The following UHRF2 variants were observed in gnomAD, a reference collection of about 807,000 sequenced individuals.
The protein encoded by UHRF2 is ubiquitin like with PHD and ring finger domains 2.
A neutral mutation model predicts 96.8 loss-of-function variants in UHRF2; 23 were observed. The observed-to-expected ratio is 0.24, with a 90% CI of 0.17 to 0.34. The LOEUF (loss-of-function observed/expected upper bound fraction) is 0.34. Ranked by LOEUF, UHRF2 falls within the 10% of genes least tolerant of loss-of-function variation. UHRF2 has a pLI of 1.00. For missense variants in UHRF2, 685 were observed against 981.5 expected, an observed-to-expected ratio of 0.70 and a Z score of 4.04; for synonymous variants, 385 against 332.6, an observed-to-expected ratio of 1.16 and a Z score of -1.72.
At chr9:6,429,706 A>T (rs766739090) in intron 2 of UHRF2, among the ~76,000 whole-genome samples, 2 of 152,338 alleles carry the variant, frequency 1.3e-5, no homozygotes, top group Non-Finnish European at 2.9e-5. Flanking sequence ...ATTTGTGTGT[A>T]CTATATGCTT....
chr9:6,495,537 G>T (rs1229629415), intron 10 of UHRF2: 1 of 152,224 alleles, frequency 6.6e-6, no homozygotes, highest in Non-Finnish European at 1.5e-5. Context: ...TTGCTAAGAG[G>T]TAGTTCGACA....
At chr9:6,476,312 T>G (rs1823569900) in intron 5 of UHRF2, among the ~76,000 whole-genome samples, 2 of 152,226 alleles carry the variant, frequency 1.3e-5, no homozygotes, top group South Asian at 4.1e-4. Flanking sequence ...TGTTATAGAT[T>G]CTGTCCAAAG....
intron 3 of UHRF2, among the ~76,000 whole-genome samples, chr9:6,435,670 G>C (rs748816687): frequency 1.3e-5 from 2 of 152,044 alleles, no homozygotes; most frequent in Non-Finnish European, 2.9e-5. Flanking sequence ...TCAGTGGTGC[G>C]ATCTTGGCTC....
At chr9:6,469,638 C>A in intron 4 of UHRF2, among the ~76,000 whole-genome samples, 1 of 140,086 alleles carries the variant, frequency 7.1e-6, no homozygotes, top group Non-Finnish European at 1.5e-5. Context: ...GAGTGTTAGA[C>A]ACATAGGACT....
chr9:6,469,529 A>T (rs911262977), intron 4 of UHRF2, among the ~76,000 whole-genome samples: 42 of 151,926 alleles, frequency 2.8e-4, no homozygotes, highest in African/African-American at 9.9e-4. Context: ...AAAAAAAATT[A>T]AAAAACATAA....
At chr9:6,443,101 A>G (rs756630362) in intron 3 of UHRF2, among the ~76,000 whole-genome samples, 2 of 152,230 alleles carry the variant, frequency 1.3e-5, no homozygotes, top group South Asian at 4.1e-4. Context: ...CTATGTAAAG[A>G]AGGAAAATTC....
chr9:6,482,977 C>T (rs911742400), intron 8 of UHRF2, among the ~76,000 whole-genome samples: 3 of 151,982 alleles, frequency 2.0e-5, no homozygotes, highest in African/African-American at 4.8e-5. Context: ...TGGTATCTGT[C>T]GGGGATTGGT....
At chr9:6,446,754 A>G (rs1392856271) in intron 3 of UHRF2, among the ~76,000 whole-genome samples, 1 of 151,732 alleles carries the variant, frequency 6.6e-6, no homozygotes, top group African/African-American at 2.4e-5. Context: ...CTGAGGCAGG[A>G]GAATCACTTG....
chr9:6,450,624 T>C (rs1391157415), intron 3 of UHRF2, among the ~76,000 whole-genome samples: 1 of 152,182 alleles, frequency 6.6e-6, no homozygotes, highest in East Asian at 1.9e-4. Context: ...CCTAGAATCT[T>C]TCAAAGGTTG....
intron 2 of UHRF2, among the ~76,000 whole-genome samples, chr9:6,423,259 G>A (rs1315916078): frequency 6.6e-6 from 1 of 152,146 alleles, no homozygotes; most frequent in Admixed American, 6.5e-5. Flanking sequence ...AAACCTATGA[G>A]GAGTAGATCA....
intron 4 of UHRF2, among the ~76,000 whole-genome samples, chr9:6,466,790 C>T (rs748508734): frequency 6.6e-6 from 1 of 152,210 alleles, no homozygotes. Context: ...CAAACATGCT[C>T]CTGCCTTGGG....
chr9:6,492,232 C>A, intron 9 of UHRF2: 1 of 605,668 alleles, frequency 1.7e-6, no homozygotes, highest in South Asian at 2.1e-5. Flanking sequence ...ATTTAGCTTA[C>A]ATTTGTCTTA....
chr9:6,417,173 A>G (rs1819655324), intron 1 of UHRF2, among the ~76,000 whole-genome samples: 1 of 152,110 alleles, frequency 6.6e-6, no homozygotes, highest in Admixed American at 6.5e-5. Context: ...AGCCACTTCC[A>G]CTTGGCATTT....
At chr9:6,457,599 A>G (rs1333890786) in intron 3 of UHRF2, among the ~76,000 whole-genome samples, 4 of 152,154 alleles carry the variant, frequency 2.6e-5, no homozygotes, top group African/African-American at 9.7e-5. Flanking sequence ...TTCCAAGGGA[A>G]TTCTTCCAGT....
intron 6 of UHRF2, among the ~76,000 whole-genome samples, chr9:6,478,449 A>G (rs1245204031): frequency 6.6e-6 from 1 of 152,228 alleles, no homozygotes; most frequent in Non-Finnish European, 1.5e-5. Flanking sequence ...AGTGGTTTAT[A>G]TGGATTACTG....
At chr9:6,475,035 A>C (rs1711968690) in intron 4 of UHRF2, among the ~76,000 whole-genome samples, 1 of 152,176 alleles carries the variant, frequency 6.6e-6, no homozygotes, top group Non-Finnish European at 1.5e-5. Flanking sequence ...AACATACCTT[A>C]TTTCTTGATA....
intron 11 of UHRF2, 145 bp downstream of exon 11, chr9:6,497,505 A>G: frequency 1.1e-6 from 1 of 885,254 alleles, no homozygotes; most frequent in Non-Finnish European, 1.7e-6. Flanking sequence ...CAGATGCATA[A>G]AGCAAACTCT....
At chr9:6,413,798 C>A in intron 1 of UHRF2, 155 bp downstream of exon 1, 1 of 955,842 alleles carries the variant, frequency 1.0e-6, no homozygotes, top group Non-Finnish European at 1.4e-6. Context: ...GGGTGCGGGG[C>A]CCAGTCCCGC....
intron 8 of UHRF2, among the ~76,000 whole-genome samples, chr9:6,483,969 G>A (rs993887608): frequency 6.6e-6 from 1 of 152,108 alleles, no homozygotes; most frequent in Non-Finnish European, 1.5e-5. Context: ...GATTACAGGC[G>A]TGAGCCACTG....
Sources: allele counts gnomAD v4.1 joint callset (sites outside exome capture counted in the v4.1 genomes callset), GRCh38; gene constraint gnomAD v4.1.1; transcripts MANE v1.5; gene names NCBI Gene and HGNC (gene_info 2026-07-23, HGNC 2026-07-21).